EPN3: variants seen among roughly 807,000 people sequenced by gnomAD.
EPN3 encodes epsin-3.
In EPN3, 56 loss-of-function variants were observed where a neutral mutation model predicts 55.5. The observed-to-expected ratio is 1.01, with a 90% CI of 0.81 to 1.26. EPN3 has a LOEUF of 1.26. Among genes scored for constraint, EPN3 ranks in the 50% most tolerant of loss-of-function variants. EPN3 has a pLI of 0.00. For synonymous variants in EPN3, 449 were observed against 375.2 expected (o/e 1.20, Z -2.27); for missense variants, 927 against 853.4 (o/e 1.09, Z -1.07).
Position 50,543,324 on chromosome 17 carries a change from G to A in EPN3, c.*1167G>A, listed in dbSNP as rs1445903826. On this transcript the variant is annotated 3_prime_UTR_variant, in exon 10 of 10. Coordinates refer to ENST00000268933, the MANE Select transcript of EPN3 (RefSeq NM_017957.3). Reference sequence around the variant, plus strand: ...TCGGACCCCTTCTGGGGGTTTATGTGGAGTCTGGGAAACCAAGGGTGGGGT... The same window carrying A: ...TCGGACCCCTTCTGGGGGTTTATGTAGAGTCTGGGAAACCAAGGGTGGGGT... The A allele has an allele frequency of 6.6e-6, 1 of 152,268 alleles. No individual in the cohort carries two copies. The highest frequency in any genetic ancestry group is 1.9e-4 in the East Asian group (1 of 5,200). The allele number at this position is 152,268 out of a possible 1,614,324, so 9.4% of individuals were successfully genotyped here.
chr17:50,537,884 G>A, intron 2 of EPN3, 195 bp from the exon 3 acceptor site: 1 of 567,444 alleles, frequency 1.8e-6, no homozygotes, highest in South Asian at 2.2e-5. Flanking sequence ...GGAGGGACTG[G>A]AGCCGCCCCT....
intron 3 of EPN3, chr17:50,538,568 G>A (rs1227441914): frequency 1.2e-5 from 4 of 323,930 alleles, no homozygotes; most frequent in African/African-American, 2.2e-5. Context: ...ACAGGCCCCC[G>A]ATATCATCAT....
chr17:50,538,375 T>C lies in EPN3; in HGVS notation c.681+178T>C, dbSNP rs1207658606. On this transcript the variant is annotated intron_variant, in intron 3 of 9. Transcript: ENST00000268933. Reference sequence around the variant, plus strand: ...CGCAGGCAGGGACTGCCTCCCTGCCTCCAGTCCTCTCCACTGGGCCTGGAA... The same window carrying C: ...CGCAGGCAGGGACTGCCTCCCTGCCCCCAGTCCTCTCCACTGGGCCTGGAA... The C allele has an allele frequency of 5.1e-6, 3 of 588,344 alleles. No individual in the cohort carries two copies. In the African/African-American group the frequency reaches 5.6e-5, roughly 11 times the overall value. 36.4% of individuals were successfully genotyped at this position (588,344 alleles called of 1,614,324 possible). A position where few individuals can be genotyped will look rare whatever the true frequency, so the allele number is the denominator to read the frequency against.
In EPN3 at chr17:50,537,024, G is replaced by A. The variant is rs77651559; in HGVS notation, c.468G>A (p.Leu156=). The A allele has an allele frequency of 6.8e-3, 11,048 of 1,613,188 alleles. 50 individuals carry two copies. The highest frequency in any genetic ancestry group is 8.3e-3 in the Non-Finnish European group (9,830 of 1,179,950). Reference sequence around the variant, plus strand: ...TCAAGACCAAGGAGCGCATGGCACTGGAGGGCATCGGCATTGGCAGTGGGC... The same window carrying A: ...TCAAGACCAAGGAGCGCATGGCACTAGAGGGCATCGGCATTGGCAGTGGGC... ...HALKTKERMA[L]EGIGIGSGQL... is the part of the protein sequence containing the mutation. The change falls in exon 2 of 10, where the codon CTG becomes CTA. Residue 156 remains leucine, a synonymous_variant. Coordinates refer to ENST00000268933, the MANE Select transcript of EPN3 (RefSeq NM_017957.3).
intron 6 of EPN3, 61 bp downstream of exon 6, chr17:50,540,395 C>A: frequency 4.7e-6 from 7 of 1,481,940 alleles, no homozygotes; most frequent in Non-Finnish European, 6.4e-6. Context: ...CCTTCCCAGC[C>A]ACTTGCTGGG....
At position 50,541,257 on chromosome 17, in the gene EPN3, C is replaced by G. The variant is rs1488115148; in HGVS notation, c.1278C>G (p.Ala426=). 4 of 1,613,572 alleles carry G rather than the reference C, an allele frequency of 2.5e-6. No homozygotes were observed. The highest frequency in any genetic ancestry group is 1.3e-5 in the African/African-American group (1 of 74,904). ...PGGASTFDPF[A]KPPESTETKE... ...GTGCCTCGACCTTTGACCCATTTGC[C>G]AAACCTCCAGAATCCACAGAGACCA... Residue 426 remains alanine, a synonymous_variant, in exon 8 of 10, where the codon GCC becomes GCG. Coordinates refer to ENST00000268933, the MANE Select transcript of EPN3 (RefSeq NM_017957.3).
chr17:50,540,209 G>T, intron 5 of EPN3, 38 bp from the exon 6 acceptor site: 2 of 1,576,932 alleles, frequency 1.3e-6, no homozygotes, highest in Non-Finnish European at 8.7e-7. Flanking sequence ...TCCAGGCCCC[G>T]CCCACTTCTG....
In EPN3 at chr17:50,536,632, G is replaced by A. The variant is rs1261562138; in HGVS notation, c.76G>A (p.Glu26Lys). Residue 26 changes from glutamate (E) to lysine (K), a missense_variant, in exon 2 of 10, where the codon GAG becomes AAG. Transcript: ENST00000268933. The part of the protein sequence containing the change: ...NYSEAEIKVR[E>K]ATSNDPWGPP... ...CTCCGAGGCAGAAATCAAGGTGCGCGAGGCCACCAGCAATGACCCCTGGGG... is the reference window on the plus strand; with the variant it reads ...CTCCGAGGCAGAAATCAAGGTGCGCAAGGCCACCAGCAATGACCCCTGGGG... 6 of 1,613,954 alleles carry A rather than the reference G, an allele frequency of 3.7e-6. No individual in the cohort carries two copies. The highest frequency in any genetic ancestry group is 3.3e-5 in the South Asian group (3 of 91,084).
chr17:50,538,102 A>G lies in EPN3; in HGVS notation c.586A>G (p.Thr196Ala). The change falls in exon 3 of 10, where the codon ACC becomes GCC. Residue 196 changes from threonine (T) to alanine (A), a missense_variant. Thr to Ala is a moderately conservative substitution (Grantham distance 58). Coordinates refer to ENST00000268933, the MANE Select transcript of EPN3 (RefSeq NM_017957.3). ...AGCCTCCTCTTCGTCACCCCGCTAT[A>G]CCTCCGACCTGGAGCAGGCCCGGCC... is the stretch of plus-strand genomic sequence containing the variant. Reference protein sequence around the residue: ...YNSSSSSPRYTSDLEQARPQT... With the variant: ...YNSSSSSPRYASDLEQARPQT... 1 of 1,613,874 alleles carries G rather than the reference A, an allele frequency of 6.2e-7. No homozygotes were observed. The highest frequency in any genetic ancestry group is 8.5e-7 in the Non-Finnish European group (1 of 1,179,934).
rs376275840 is a variant in EPN3, at chr17:50,538,880, G to T, written c.682-4G>T. ...GCCAAGTTTACCCCTCTCTTCCTCC[G>T]CAGCCTGTCCCCCCAGCCTCCCACA... On this transcript the variant is annotated splice_polypyrimidine_tract_variant and splice_region_variant and intron_variant, in intron 3 of 9. Coordinates refer to ENST00000268933, the MANE Select transcript of EPN3 (RefSeq NM_017957.3). 8 of 1,595,330 alleles carry T rather than the reference G, an allele frequency of 5.0e-6. No homozygotes were observed. The highest frequency in any genetic ancestry group is 6.8e-6 in the Non-Finnish European group (8 of 1,168,942).
In EPN3 at chr17:50,541,871, C is replaced by T; in HGVS notation, c.1613C>T (p.Pro538Leu). The T allele has an allele frequency of 6.2e-7, 1 of 1,608,954 alleles. No homozygotes were observed. The highest frequency in any genetic ancestry group is 8.5e-7 in the Non-Finnish European group (1 of 1,179,978). ...TGLSAPSPTN[P>L]FGAGEPGRPT... is the part of the protein sequence containing the mutation. ...CTCAGCGCTCCGTCCCCCACCAACC[C>T]GTTCGGCGCGGGCGAGCCGGGCAGG... Residue 538 changes from proline (P) to leucine (L), a missense_variant, in exon 10 of 10, where the codon CCG (proline) becomes CTG (leucine). Coordinates refer to ENST00000268933, the MANE Select transcript of EPN3 (RefSeq NM_017957.3).
intron 4 of EPN3, 52 bp downstream of exon 4, chr17:50,539,016 G>C: frequency 2.6e-6 from 4 of 1,552,798 alleles, no homozygotes; most frequent in Non-Finnish European, 3.5e-6. Flanking sequence ...TGCTGGTGGA[G>C]GTGCTTCAGG....
In EPN3 at chr17:50,540,286, C is replaced by A. The variant is rs112114033; in HGVS notation, c.931C>A (p.Leu311Met). The change falls in exon 6 of 10, where the codon CTG becomes ATG. Residue 311 changes from leucine (L) to methionine (M), a missense_variant. Leu to Met is a conservative substitution (Grantham distance 15). Transcript: ENST00000268933. ...LDLADIFVPA[L>M]APPSTHCSAD... ...CTTGGCTGACATCTTCGTACCTGCCCTGGCCCCGCCCTCCACACACTGCTC... is the reference window on the plus strand; with the variant it reads ...CTTGGCTGACATCTTCGTACCTGCCATGGCCCCGCCCTCCACACACTGCTC... 1.3e-3 allele frequency: 2,148 copies of A among 1,612,816 alleles called. 32 individuals are homozygous for A. The African/African-American group carries it at 0.025, about 18-fold the overall frequency.
In EPN3 at chr17:50,536,766, C is replaced by T. The variant is rs765689725; in HGVS notation, c.210C>T (p.Asn70=). Residue 70 remains asparagine, a synonymous_variant, in exon 2 of 10, where the codon AAC becomes AAT. Coordinates refer to ENST00000268933, the MANE Select transcript of EPN3 (RefSeq NM_017957.3). ...GGCGGCTCAATGACAGCGGCAAGAACTGGCGGCACGTGTACAAGGCTCTAA... is the reference window on the plus strand; with the variant it reads ...GGCGGCTCAATGACAGCGGCAAGAATTGGCGGCACGTGTACAAGGCTCTAA... ...LWRRLNDSGK[N]WRHVYKALTL... is the part of the protein sequence containing the mutation. 1 of 1,614,158 alleles carries T rather than the reference C, an allele frequency of 6.2e-7. No homozygotes were observed. The highest frequency in any genetic ancestry group is 8.5e-7 in the Non-Finnish European group (1 of 1,180,040).
chr17:50,541,882 G>A lies in EPN3; in HGVS notation c.1624G>A (p.Gly542Ser). 6.2e-7 allele frequency: 1 copy of A among 1,607,994 alleles called. No individual in the cohort carries two copies. Among genetic ancestry groups the A allele is most frequent in the Non-Finnish European group, 8.5e-7 (1 of 1,179,938 alleles). ...APSPTNPFGA[G>S]EPGRPTLNQM... ...GTCCCCCACCAACCCGTTCGGCGCGGGCGAGCCGGGCAGGCCGACGCTAAA... is the reference window on the plus strand; with the variant it reads ...GTCCCCCACCAACCCGTTCGGCGCGAGCGAGCCGGGCAGGCCGACGCTAAA... The change falls in exon 10 of 10, where the codon GGC becomes AGC. Residue 542 changes from glycine (G) to serine (S), a missense_variant. Physicochemically the swap from Gly to Ser is moderately conservative, Grantham distance 56 (BLOSUM62 0). Coordinates refer to ENST00000268933, the MANE Select transcript of EPN3 (RefSeq NM_017957.3).
In EPN3 at chr17:50,542,162, C is replaced by T. The variant is rs1033702513; in HGVS notation, c.*5C>T. ...GGCACCAACCCCTTCCTCTGAGCCC[C>T]GCCCCGTCCCATACCGGCCTGCGCC... On this transcript the variant is annotated 3_prime_UTR_variant, in exon 10 of 10. Coordinates refer to ENST00000268933, the MANE Select transcript of EPN3 (RefSeq NM_017957.3). 1 of 1,486,854 alleles carries T rather than the reference C, an allele frequency of 6.7e-7. No homozygotes were observed. Among genetic ancestry groups the T allele is most frequent in the Non-Finnish European group, 8.9e-7 (1 of 1,127,620 alleles). 92.1% of individuals were successfully genotyped at this position (1,486,854 alleles called of 1,614,324 possible).
At chr17:50,538,769 C>T (rs1033424456) in intron 3 of EPN3, 115 bp from the exon 4 acceptor site, 3 of 719,338 alleles carry the variant, frequency 4.2e-6, no homozygotes, top group Admixed American at 3.3e-5. Flanking sequence ...ATGGCCCATG[C>T]ACACTGAGGG....
chr17:50,537,076 G>A lies in EPN3; in HGVS notation c.520G>A (p.Glu174Lys), dbSNP rs763999507. ...GCTGGGCTTCAGCCGCCGCTACGGC[G>A]AGGACTACAGCCGCTCCCGGGGCTC... ...GQLGFSRRYG[E>K]DYSRSRGSPS... The change falls in exon 2 of 10, where the codon GAG becomes AAG. Residue 174 changes from glutamate to lysine, a missense_variant. Glu to Lys is a moderately conservative substitution (Grantham distance 56, BLOSUM62 1). Transcript: ENST00000268933. 14 of 1,611,142 alleles carry A rather than the reference G, an allele frequency of 8.7e-6. No individual in the cohort carries two copies. The highest frequency in any genetic ancestry group is 1.7e-4 in the Middle Eastern group (1 of 5,820).
chr17:50,539,344 G>A (rs1443783699), intron 5 of EPN3, 29 bp downstream of exon 5: 1 of 1,613,308 alleles, frequency 6.2e-7, no homozygotes, highest in East Asian at 2.2e-5. Context: ...TGCTTGGGAT[G>A]GACAGGGCCT....
Sources: allele counts gnomAD v4.1 joint callset, GRCh38; gene constraint gnomAD v4.1.1; transcripts MANE v1.5; gene names NCBI Gene and HGNC (gene_info 2026-07-23, HGNC 2026-07-21).